The following CNTN5 variants were observed in gnomAD, a reference collection of about 807,000 sequenced individuals.
The protein encoded by CNTN5 is contactin-5.
CNTN5 carries 77 observed loss-of-function variants against 129.1 expected under a neutral mutation model. That is an observed-to-expected ratio of 0.60 (90% CI 0.50 to 0.72). The LOEUF (loss-of-function observed/expected upper bound fraction) is 0.72, where lower values mean the gene tolerates loss of function less well. Among genes scored for constraint, CNTN5 ranks in the 30% least tolerant of loss-of-function variants. The pLI, the probability that CNTN5 is intolerant of heterozygous loss-of-function variation, is 0.00. For synonymous variants in CNTN5, 509 were observed against 465.6 expected, an observed-to-expected ratio of 1.09 and a Z score of -1.20; for missense variants, 1,478 against 1,328.8, an observed-to-expected ratio of 1.11 and a Z score of -1.75.
At chr11:99,342,571 CAAAAAAAAAAAAAAA>C (rs58710723) in intron 2 of CNTN5, among the ~76,000 whole-genome samples, 14 of 24,518 alleles carry the variant, frequency 5.7e-4, no homozygotes, top group African/African-American at 8.3e-4. Flanking sequence ...CCCGTTATCT[CAAAAAAAAAAAAAAA>C]AAAAAAAAAA....
intron 3 of CNTN5, among the ~76,000 whole-genome samples, chr11:99,655,945 T>A (rs1054215628): frequency 2.0e-5 from 3 of 151,998 alleles, no homozygotes; most frequent in African/African-American, 7.2e-5. Context: ...TACACACACG[T>A]GTATATACAC....
intron 9 of CNTN5, among the ~76,000 whole-genome samples, chr11:100,034,645 C>T (rs947041704): frequency 2.0e-5 from 3 of 152,172 alleles, no homozygotes; most frequent in African/African-American, 7.2e-5. Context: ...GGAGCACAGC[C>T]ATGTCCATTT....
intron 9 of CNTN5, among the ~76,000 whole-genome samples, chr11:100,012,587 C>A (rs1940594443): frequency 6.6e-6 from 1 of 152,172 alleles, no homozygotes; most frequent in Non-Finnish European, 1.5e-5. Context: ...AACTAGTTAA[C>A]CTGCCTCAGG....
chr11:100,212,992 G>A (rs778141956), intron 15 of CNTN5, among the ~76,000 whole-genome samples: 13 of 152,146 alleles, frequency 8.5e-5, no homozygotes, highest in Admixed American at 6.5e-5. Flanking sequence ...AAAAATTCAA[G>A]TCAGAATTAT....
intron 3 of CNTN5, among the ~76,000 whole-genome samples, chr11:99,571,725 G>A (rs1001914665): frequency 6.6e-6 from 1 of 152,140 alleles, no homozygotes; most frequent in Admixed American, 6.5e-5. Flanking sequence ...TCATAATGAA[G>A]TATGGGTACA....
At chr11:100,355,457 A>C (rs1374888105) in intron 24 of CNTN5, among the ~76,000 whole-genome samples, 1 of 151,820 alleles carries the variant, frequency 6.6e-6, no homozygotes, top group African/African-American at 2.4e-5. Flanking sequence ...AAGTAGGAGT[A>C]CACTAAAATA....
chr11:99,504,843 C>T (rs1219905402), intron 2 of CNTN5, among the ~76,000 whole-genome samples: 1 of 152,154 alleles, frequency 6.6e-6, no homozygotes. Flanking sequence ...GTCTTTGGTG[C>T]TACTTTCCTT....
intron 1 of CNTN5, among the ~76,000 whole-genome samples, chr11:99,268,292 A>G (rs1863005363): frequency 6.6e-6 from 1 of 152,054 alleles, no homozygotes; most frequent in African/African-American, 2.4e-5. Context: ...TGGAGAATTT[A>G]TAAAAACAAA....
intron 2 of CNTN5, among the ~76,000 whole-genome samples, chr11:99,432,258 A>T (rs1253350376): frequency 6.6e-6 from 1 of 152,144 alleles, no homozygotes; most frequent in Admixed American, 6.6e-5. Context: ...TACATGAGAA[A>T]AACAGAGGGC....
At chr11:99,755,507 G>T (rs1410333270) in intron 3 of CNTN5, among the ~76,000 whole-genome samples, 3 of 151,802 alleles carry the variant, frequency 2.0e-5, no homozygotes, top group African/African-American at 4.8e-5. Flanking sequence ...ATGCTTATTT[G>T]CCATCTGTAT....
chr11:99,260,025 T>C (rs1208407782), intron 1 of CNTN5, among the ~76,000 whole-genome samples: 3 of 151,722 alleles, frequency 2.0e-5, no homozygotes, highest in Non-Finnish European at 4.4e-5. Flanking sequence ...TCTTCATCTG[T>C]TACCTGAAGC....
At chr11:100,220,666 T>C (rs555021306) in intron 15 of CNTN5, among the ~76,000 whole-genome samples, 1 of 152,296 alleles carries the variant, frequency 6.6e-6, no homozygotes, top group East Asian at 1.9e-4. Flanking sequence ...AGACACTTAC[T>C]ATATGCCAGA....
intron 2 of CNTN5, among the ~76,000 whole-genome samples, chr11:99,546,356 C>A (rs1178944006): frequency 6.6e-6 from 1 of 152,092 alleles, no homozygotes; most frequent in African/African-American, 2.4e-5. Context: ...AAACAGGTTG[C>A]TTAAAAATAC....
chr11:99,870,499 T>G (rs145250030), intron 6 of CNTN5, among the ~76,000 whole-genome samples: 1 of 152,164 alleles, frequency 6.6e-6, no homozygotes, highest in South Asian at 2.1e-4. Flanking sequence ...TAAACTGATA[T>G]AGTATTTAAA....
chr11:100,295,363 G>A (rs868472667), intron 18 of CNTN5, among the ~76,000 whole-genome samples: 1 of 151,072 alleles, frequency 6.6e-6, no homozygotes, highest in Non-Finnish European at 1.5e-5. Flanking sequence ...AAATAGAAGT[G>A]AATCAAATCA....
intron 3 of CNTN5, among the ~76,000 whole-genome samples, chr11:99,562,001 A>G (rs999900658): frequency 1.2e-4 from 18 of 152,138 alleles, no homozygotes; most frequent in Admixed American, 5.9e-4. Context: ...TGAGTTGGTT[A>G]TTTTGAAAAA....
At chr11:99,251,429 G>A (rs571509680) in intron 1 of CNTN5, among the ~76,000 whole-genome samples, 2 of 151,662 alleles carry the variant, frequency 1.3e-5, no homozygotes, top group African/African-American at 4.8e-5. Flanking sequence ...AGAAATGGAG[G>A]TATCAACAAA....
chr11:100,047,270 C>T (rs1400333773), intron 9 of CNTN5, among the ~76,000 whole-genome samples: 1 of 152,012 alleles, frequency 6.6e-6, no homozygotes. Flanking sequence ...CCATGGTTCA[C>T]TCAGTAGAGA....
chr11:100,167,903 A>T (rs2138392926), intron 13 of CNTN5, among the ~76,000 whole-genome samples: 1 of 152,094 alleles, frequency 6.6e-6, no homozygotes, highest in African/African-American at 2.4e-5. Flanking sequence ...CCTGGACAGA[A>T]TTTACAAGTG....
Sources: allele counts gnomAD v4.1 joint callset (sites outside exome capture counted in the v4.1 genomes callset), GRCh38; gene constraint gnomAD v4.1.1; transcripts MANE v1.5; gene names NCBI Gene and HGNC (gene_info 2026-07-23, HGNC 2026-07-21).